Variants in MORN4 observed in about 807,000 individuals in gnomAD.
MORN4 encodes MORN repeat containing 4.
MORN4 carries 8 observed loss-of-function variants against 16.4 expected under a neutral mutation model. The observed-to-expected ratio is 0.49, with a 90% CI of 0.29 to 0.88. The LOEUF (loss-of-function observed/expected upper bound fraction) is 0.88. Among genes scored for constraint, MORN4 ranks in the 40% least tolerant of loss-of-function variants. The pLI is 0.09. For missense variants in MORN4, 159 were observed against 182.9 expected (o/e 0.87, Z 0.75); for synonymous variants, 53 against 68.9 (o/e 0.77, Z 1.14).
At chr10:97,631,276 G>A (rs2041393327) in intron 1 of MORN4, among the ~76,000 whole-genome samples, 3 of 152,134 alleles carry the variant, frequency 2.0e-5, no homozygotes. Flanking sequence ...CACAAACCAA[G>A]ATGATTCACA....
intron 4 of MORN4, 32 bp downstream of exon 4, chr10:97,616,646 T>A: frequency 3.2e-6 from 5 of 1,544,196 alleles, no homozygotes; most frequent in African/African-American, 2.7e-5. Flanking sequence ...TATGCCCACC[T>A]AAGTCAGCCA....
chr10:97,618,179 A>AAAATAAAT (rs541560176), intron 2 of MORN4, among the ~76,000 whole-genome samples: 47 of 151,990 alleles, frequency 3.1e-4, no homozygotes, highest in African/African-American at 1.1e-3. Context: ...ACTCCATCTC[A>AAAATAAAT]AAATAAATAA....
At chr10:97,618,470 T>C (rs994092083) in intron 2 of MORN4, among the ~76,000 whole-genome samples, 1 of 151,990 alleles carries the variant, frequency 6.6e-6, no homozygotes, top group African/African-American at 2.4e-5. Flanking sequence ...TTGAGAGAAA[T>C]TGTACAGGTG....
In MORN4 at chr10:97,617,304, C is replaced by A. The variant is rs1369768257; in HGVS notation, c.86G>T (p.Gly29Val). Reference sequence around the variant, plus strand: ...GCCACCATCTGCAAACATCAGTTGACCAAAACCATGCCTGCGGCCTGAACA... The same window carrying A: ...GCCACCATCTGCAAACATCAGTTGAACAAAACCATGCCTGCGGCCTGAACA... ...EWKEGRRHGFGQLMFADGGTY... is the reference protein window; with the variant it reads ...EWKEGRRHGFVQLMFADGGTY... The change falls in exon 3 of 5, where the codon GGT becomes GTT. Residue 29 changes from glycine to valine, a missense_variant. By Grantham distance (109) the Gly-to-Val change is moderately radical. Transcript: ENST00000307450. 1.2e-6 allele frequency: 2 copies of A among 1,614,110 alleles called. No individual in the cohort carries two copies. Among genetic ancestry groups the A allele is most frequent in the Non-Finnish European group, 1.7e-6 (2 of 1,179,988 alleles).
At chr10:97,621,555 C>T (rs963686749) in intron 1 of MORN4, among the ~76,000 whole-genome samples, 1 of 152,172 alleles carries the variant, frequency 6.6e-6, no homozygotes, top group African/African-American at 2.4e-5. Flanking sequence ...GTTCATGACC[C>T]TACAATGTGA....
chr10:97,623,468 A>T (rs375803090), intron 1 of MORN4, among the ~76,000 whole-genome samples: 33 of 152,306 alleles, frequency 2.2e-4, no homozygotes, highest in East Asian at 1.5e-3. Context: ...CCTCTGATTA[A>T]TAAGTAACCT....
chr10:97,630,093 T>G (rs1035054709), intron 1 of MORN4, among the ~76,000 whole-genome samples: 3 of 151,752 alleles, frequency 2.0e-5, no homozygotes, highest in Non-Finnish European at 2.9e-5. Context: ...CCCAGCTAAT[T>G]TTTTTTTGTA....
At chr10:97,633,825 T>G (rs2041419104), upstream of MORN4, among the ~76,000 whole-genome samples, 1 of 152,216 alleles carries the variant, frequency 6.6e-6, no homozygotes, top group Non-Finnish European at 1.5e-5. This position sits in a 1 kb window ranked among gnomAD's most constrained non-coding sequence, Gnocchi z 4.5. Flanking sequence ...GCCGCGGAGT[T>G]TAAGGCAGAT....
At chr10:97,619,006 T>C (rs1476567138) in intron 2 of MORN4, among the ~76,000 whole-genome samples, 2 of 152,164 alleles carry the variant, frequency 1.3e-5, no homozygotes, top group Non-Finnish European at 2.9e-5. Flanking sequence ...TTAAATAAGA[T>C]GATAAATACA....
intron 1 of MORN4, among the ~76,000 whole-genome samples, chr10:97,632,745 T>C (rs1589926284): frequency 6.9e-6 from 1 of 144,326 alleles, no homozygotes; most frequent in South Asian, 2.2e-4. Flanking sequence ...GACCTGGGGG[T>C]GATTGGGACT....
Position 97,616,734 on chromosome 10 carries a change from C to A in MORN4, c.236G>T (p.Arg79Leu), listed in dbSNP as rs369370857. The A allele has an allele frequency of 4.3e-6, 7 of 1,614,014 alleles. No homozygotes were observed. Among genetic ancestry groups the A allele is most frequent in the Non-Finnish European group, 5.1e-6 (6 of 1,180,012 alleles). The change falls in exon 4 of 5, where the codon CGA becomes CTA. Residue 79 changes from arginine (R) to leucine (L), a missense_variant. By Grantham distance (102) the Arg-to-Leu change is moderately radical (BLOSUM62 -2). Coordinates refer to ENST00000307450, the MANE Select transcript of MORN4 (RefSeq NM_178832.4). ...GKFNGVGVFIRYDNMTFEGEF... is the reference protein window; with the variant it reads ...GKFNGVGVFILYDNMTFEGEF... ...CCCCTCAAAGGTCATGTTGTCATAT[C>A]GAATGAAGACTCCGACGCCATTAAA...
intron 1 of MORN4, among the ~76,000 whole-genome samples, chr10:97,621,169 C>T (rs1392206113): frequency 2.0e-5 from 3 of 151,996 alleles, no homozygotes; most frequent in African/African-American, 7.2e-5. Flanking sequence ...AAAAGAATCT[C>T]ATGGATTTAG....
rs141938522 is a variant in MORN4 at position 97,616,372 on chromosome 10, C to T, written c.332G>A (p.Arg111His). The T allele has an allele frequency of 1.6e-5, 26 of 1,611,390 alleles. No homozygotes were observed. The highest frequency in any genetic ancestry group is 1.3e-4 in the Admixed American group (8 of 59,380). The change falls in exon 5 of 5, where the codon CGC becomes CAC. Residue 111 changes from arginine (R) to histidine (H), a missense_variant. By Grantham distance (29) the Arg-to-His change is conservative. Coordinates refer to ENST00000307450, the MANE Select transcript of MORN4 (RefSeq NM_178832.4). ...TFPDGSHGIP[R>H]NEGLFENNKL... Reference sequence around the variant, plus strand: ...GTTGTTCTCAAAGAGACCTTCATTGCGGGGGATTCCATGAGAACCATCAGG... The same window carrying T: ...GTTGTTCTCAAAGAGACCTTCATTGTGGGGGATTCCATGAGAACCATCAGG...
chr10:97,619,791 C>T, intron 1 of MORN4, 108 bp from the exon 2 acceptor site: 1 of 824,912 alleles, frequency 1.2e-6, no homozygotes, highest in Middle Eastern at 3.1e-4. Flanking sequence ...GGTAAGTGTA[C>T]ACTGCCTTAG....
intron 2 of MORN4, 50 bp from the exon 3 acceptor site, chr10:97,617,372 G>A (rs1352634628): frequency 1.4e-6 from 2 of 1,426,670 alleles, no homozygotes; most frequent in East Asian, 4.5e-5. Flanking sequence ...CAGCTTCAGG[G>A]TCCCTTCTTA....
At chr10:97,622,710 AC>A (rs2041312388) in intron 1 of MORN4, among the ~76,000 whole-genome samples, 1 of 149,694 alleles carries the variant, frequency 6.7e-6, no homozygotes, top group African/African-American at 2.5e-5. Flanking sequence ...AAAAAAAAAA[AC>A]GGAAGAAGAA....
chr10:97,627,413 G>A (rs1381850970), intron 1 of MORN4, among the ~76,000 whole-genome samples: 2 of 152,200 alleles, frequency 1.3e-5, no homozygotes, highest in African/African-American at 4.8e-5. Context: ...CAAAGTGCTA[G>A]ATTACAGGCG....
upstream of MORN4, chr10:97,633,533 C>T: frequency 7.8e-7 from 1 of 1,289,884 alleles, no homozygotes; most frequent in Non-Finnish European, 1.0e-6. The surrounding 1 kb of genome is among the most constrained non-coding windows in gnomAD (Gnocchi z 4.5). Flanking sequence ...TGGCTGTTAC[C>T]TAGGCAACCG....
Position 97,633,214 on chromosome 10 carries a change from AACC to A in MORN4, c.-31+130_-31+132del. ...GTTCAGGTTTGGGTCCCCCACAGGC[AACC>A]GCCCTCAGGTCAGCGTATCCGAGGT... On this transcript the variant is annotated intron_variant, in intron 1 of 4. Coordinates refer to ENST00000307450, the MANE Select transcript of MORN4 (RefSeq NM_178832.4). The surrounding 1 kb of genome is among the most constrained non-coding windows in gnomAD (Gnocchi z 4.5). The A allele has an allele frequency of 9.0e-7, 1 of 1,110,248 alleles. No homozygotes were observed. 68.8% of individuals were successfully genotyped at this position (1,110,248 alleles called of 1,614,324 possible).
Sources: allele counts gnomAD v4.1 joint callset (sites outside exome capture counted in the v4.1 genomes callset), GRCh38; gene constraint gnomAD v4.1.1; non-coding constraint Gnocchi (gnomAD v3.1); transcripts MANE v1.5; gene names NCBI Gene and HGNC (gene_info 2026-07-23, HGNC 2026-07-21).